GRIN2B: variants seen among roughly 807,000 people sequenced by gnomAD.
The protein encoded by GRIN2B is glutamate ionotropic receptor NMDA type subunit 2B, also known as glutamate receptor ionotropic, NMDA 2B.
GRIN2B carries 5 observed loss-of-function variants against 114.5 expected under a neutral mutation model. The ratio of observed to expected loss-of-function variants is 0.04; its 90% CI spans 0.02 to 0.09. GRIN2B has a LOEUF of 0.09. Ranked by LOEUF, GRIN2B falls within the 10% of genes least tolerant of loss-of-function variation. The pLI is 1.00. For missense variants in GRIN2B, 1,108 were observed against 1,943.5 expected (o/e 0.57, Z 8.08); for synonymous variants, 787 against 745.1 (o/e 1.06, Z -0.92).
At chr12:13,782,436 C>A (rs753800923) in intron 3 of GRIN2B, among the ~76,000 whole-genome samples, 10 of 152,190 alleles carry the variant, frequency 6.6e-5, no homozygotes, top group Non-Finnish European at 1.5e-4. Context: ...TCCAGATGAT[C>A]TTTGCCACTG....
At chr12:13,845,285 C>A (rs1000938437) in intron 3 of GRIN2B, among the ~76,000 whole-genome samples, 1 of 152,062 alleles carries the variant, frequency 6.6e-6, no homozygotes, top group South Asian at 2.1e-4. Flanking sequence ...TATATACAGC[C>A]CCAAATGTCA....
chr12:13,923,363 C>T (rs950041890), intron 2 of GRIN2B, among the ~76,000 whole-genome samples: 30 of 152,258 alleles, frequency 2.0e-4, no homozygotes, highest in East Asian at 5.8e-4. Flanking sequence ...TCACACATAA[C>T]GGAACAAATC....
intron 5 of GRIN2B, among the ~76,000 whole-genome samples, chr12:13,631,360 G>T (rs1949614343): frequency 1.3e-5 from 2 of 152,124 alleles, no homozygotes; most frequent in South Asian, 4.2e-4. Context: ...TGCAGAGACT[G>T]ATTCTCTAAC....
At chr12:13,745,971 T>TC (rs775497107) in intron 4 of GRIN2B, among the ~76,000 whole-genome samples, 67 of 150,036 alleles carry the variant, frequency 4.5e-4, no homozygotes, top group Non-Finnish European at 8.2e-4. Flanking sequence ...AATACAAAGG[T>TC]TAAAAAAAAC....
intron 12 of GRIN2B, among the ~76,000 whole-genome samples, chr12:13,567,559 G>A (rs1015110090): frequency 2.0e-5 from 3 of 152,130 alleles, no homozygotes; most frequent in African/African-American, 7.2e-5. Context: ...GTATAAATTG[G>A]CATATAAATA....
chr12:13,830,923 A>T (rs984025271), intron 3 of GRIN2B, among the ~76,000 whole-genome samples: 5 of 152,232 alleles, frequency 3.3e-5, no homozygotes, highest in Non-Finnish European at 7.3e-5. Context: ...ACCTTTGTTG[A>T]AATTCGATCC....
intron 5 of GRIN2B, among the ~76,000 whole-genome samples, chr12:13,645,558 A>C (rs1408293745): frequency 6.6e-6 from 1 of 152,138 alleles, no homozygotes; most frequent in Non-Finnish European, 1.5e-5. Flanking sequence ...CAAATGCTCA[A>C]TTTGTAAAAA....
chr12:13,978,415 A>G (rs552112783), intron 2 of GRIN2B, among the ~76,000 whole-genome samples: 1 of 152,208 alleles, frequency 6.6e-6, no homozygotes, highest in Non-Finnish European at 1.5e-5. Flanking sequence ...TTTCAGCAGT[A>G]AAACTCAAAA....
chr12:13,882,580 A>G (rs1272585642), intron 2 of GRIN2B, among the ~76,000 whole-genome samples: 1 of 152,144 alleles, frequency 6.6e-6, no homozygotes, highest in African/African-American at 2.4e-5. Context: ...ATAAGCAACA[A>G]TGCCTCTTTC....
intron 3 of GRIN2B, among the ~76,000 whole-genome samples, chr12:13,820,454 A>G (rs1349461650): frequency 6.6e-6 from 1 of 152,198 alleles, no homozygotes; most frequent in African/African-American, 2.4e-5. Context: ...AGTGAGTAAA[A>G]CACTGAATTT....
intron 10 of GRIN2B, 48 bp from the exon 11 acceptor site, chr12:13,572,012 G>A (rs767430921): frequency 1.2e-5 from 17 of 1,441,148 alleles, no homozygotes; most frequent in Non-Finnish European, 1.5e-5. Context: ...TGGAGGGAGA[G>A]AGAGAGAGAA....
chr12:13,658,206 TAA>T (rs745942688), intron 5 of GRIN2B, among the ~76,000 whole-genome samples: 14 of 133,030 alleles, frequency 1.1e-4, no homozygotes, highest in Non-Finnish European at 9.8e-5. Flanking sequence ...AAACTCCATC[TAA>T]AAAAAAAAAA....
chr12:13,943,036 G>C (rs553025953), intron 2 of GRIN2B, among the ~76,000 whole-genome samples: 1 of 152,142 alleles, frequency 6.6e-6, no homozygotes, highest in Admixed American at 6.6e-5. Flanking sequence ...TGGGGTGGGG[G>C]TGGAGCAAGG....
intron 2 of GRIN2B, among the ~76,000 whole-genome samples, chr12:13,918,481 T>C (rs1866768704): frequency 6.6e-6 from 1 of 152,216 alleles, no homozygotes; most frequent in Admixed American, 6.5e-5. Flanking sequence ...CCAAATACCA[T>C]GCATTTATGC....
At chr12:13,953,919 A>G (rs535312537) in intron 2 of GRIN2B, among the ~76,000 whole-genome samples, 21 of 152,334 alleles carry the variant, frequency 1.4e-4, no homozygotes, top group African/African-American at 4.8e-4. Context: ...TTCTTCACTG[A>G]ATAATAATAT....
intron 4 of GRIN2B, among the ~76,000 whole-genome samples, chr12:13,717,259 A>G (rs955094332): frequency 2.0e-5 from 3 of 151,800 alleles, no homozygotes; most frequent in African/African-American, 7.3e-5. Context: ...GGTCTGGCCG[A>G]CTCTAAAATA....
chr12:13,679,973 G>C (rs1410699179), intron 4 of GRIN2B, among the ~76,000 whole-genome samples: 1 of 152,068 alleles, frequency 6.6e-6, no homozygotes, highest in Non-Finnish European at 1.5e-5. Flanking sequence ...TATTTAATAG[G>C]AAAAATTCAG....
At chr12:13,692,073 G>A (rs542540728) in intron 4 of GRIN2B, among the ~76,000 whole-genome samples, 1 of 152,266 alleles carries the variant, frequency 6.6e-6, no homozygotes, top group African/African-American at 2.4e-5. Context: ...CCCGATTGAA[G>A]CCAAGAGAAA....
chr12:13,561,429 G>T lies in GRIN2B; in HGVS notation c.*1354C>A, dbSNP rs1805476. The T allele has an allele frequency of 0.34, 51,776 of 152,204 alleles. 10,456 individuals are homozygous for T. Among genetic ancestry groups the T allele is most frequent in the East Asian group, 0.8 (4,092 of 5,098 alleles). 9.4% of individuals were successfully genotyped at this position (152,204 alleles called of 1,614,324 possible). A position where few individuals can be genotyped will look rare whatever the true frequency, so the allele number is the denominator to read the frequency against. On this transcript the variant is annotated 3_prime_UTR_variant, in exon 14 of 14. Transcript: ENST00000609686. ...TGGAGTGCAGCTCATTTCTCTTAAA[G>T]GTCAAGCTCATTTCTCTTAACTGTC...
Sources: gnomAD v4.1 joint callset for allele counts (sites outside exome capture counted in the v4.1 genomes callset) on GRCh38, gnomAD v4.1.1 for gene constraint, MANE v1.5 for transcripts, NCBI Gene and HGNC (gene_info 2026-07-23, HGNC 2026-07-21) for gene names.